The following UBXN8 variants were observed in gnomAD, a reference collection of about 807,000 sequenced individuals.
The protein encoded by UBXN8 is UBX domain-containing protein 8.
Under a neutral mutation model 32.1 loss-of-function variants are expected in UBXN8, and 27 were observed. That is an observed-to-expected ratio of 0.84 (90% CI 0.62 to 1.16). The LOEUF (loss-of-function observed/expected upper bound fraction) is 1.16, where lower values mean the gene tolerates loss of function less well. UBXN8 is among the 50% of genes most tolerant of loss of function. The pLI is 0.00. For missense variants in UBXN8, 306 were observed against 311.4 expected, an observed-to-expected ratio of 0.98 and a Z score of 0.13; for synonymous variants, 109 against 111.8, an observed-to-expected ratio of 0.98 and a Z score of 0.16.
chr8:30,744,210 T>C lies in UBXN8; in HGVS notation c.21T>C (p.Val7=). The C allele has an allele frequency of 6.2e-7, 1 of 1,613,772 alleles. No homozygotes were observed. Among genetic ancestry groups the C allele is most frequent in the East Asian group, 2.2e-5 (1 of 44,880 alleles). MASRGV[V]GIFFLSAVPL... is the part of the protein sequence containing the mutation. ...CCACCATGGCTTCACGTGGGGTTGT[T>C]GGCATTTTCTTCCTCTCTGCTGTCC... is the stretch of plus-strand genomic sequence containing the variant. The change falls in exon 1 of 8, where the codon GTT becomes GTC. Residue 7 remains valine (V), a synonymous_variant. Coordinates refer to ENST00000265616, the MANE Select transcript of UBXN8 (RefSeq NM_005671.4).
intron 6 of UBXN8, among the ~76,000 whole-genome samples, chr8:30,762,723 C>T (rs1805868221): frequency 6.6e-6 from 1 of 152,016 alleles, no homozygotes; most frequent in Non-Finnish European, 1.5e-5. Context: ...CATAGCTTTC[C>T]TGAGAGGGAG....
chr8:30,763,457 A>C, intron 7 of UBXN8, 110 bp downstream of exon 7: 2 of 1,040,794 alleles, frequency 1.9e-6, no homozygotes, highest in Non-Finnish European at 2.9e-6. Context: ...ATCTCCCATC[A>C]GGTATGGATA....
chr8:30,744,558 A>G, intron 1 of UBXN8: 1 of 508,788 alleles, frequency 2.0e-6, no homozygotes, highest in Non-Finnish European at 3.5e-6. Flanking sequence ...AAGGAAATAA[A>G]CAGGTTGATA....
chr8:30,746,958 C>A (rs1269351550), intron 1 of UBXN8, among the ~76,000 whole-genome samples: 2 of 130,534 alleles, frequency 1.5e-5, no homozygotes, highest in Non-Finnish European at 3.1e-5. Context: ...TAATCGAGAC[C>A]ATCCTGGCCA....
upstream of UBXN8, among the ~76,000 whole-genome samples, chr8:30,730,480 CT>C (rs1804924892): frequency 6.6e-6 from 1 of 152,270 alleles, no homozygotes; most frequent in South Asian, 2.1e-4. Context: ...CAAGCAGCAA[CT>C]AAGTGGCTAG....
chr8:30,760,458 T>TTTTTTTA (rs1805805505), intron 5 of UBXN8, among the ~76,000 whole-genome samples: 1 of 143,600 alleles, frequency 7.0e-6, no homozygotes. Context: ...TTTTTTTTTT[T>TTTTTTTA]AAAGTGACAG....
intron 1 of UBXN8, among the ~76,000 whole-genome samples, chr8:30,744,760 C>T (rs925412606): frequency 6.6e-6 from 1 of 152,106 alleles, no homozygotes; most frequent in African/African-American, 2.4e-5. Context: ...AGGGGCCACG[C>T]CCGTGAAAAG....
chr8:30,739,708 T>C (rs199949743), upstream of UBXN8, among the ~76,000 whole-genome samples: 1 of 152,150 alleles, frequency 6.6e-6, no homozygotes, highest in Non-Finnish European at 1.5e-5. Context: ...TGGTAAAGGA[T>C]TTATGCAATC....
intron 2 of UBXN8, among the ~76,000 whole-genome samples, chr8:30,752,178 C>T (rs1586097868): frequency 6.6e-6 from 1 of 152,248 alleles, no homozygotes; most frequent in Non-Finnish European, 1.5e-5. Context: ...GCATGAGACA[C>T]CACACCCGGC....
chr8:30,759,532 G>GC (rs1805768495), intron 5 of UBXN8, among the ~76,000 whole-genome samples: 1 of 151,836 alleles, frequency 6.6e-6, no homozygotes, highest in Non-Finnish European at 1.5e-5. Flanking sequence ...ACCACACCCA[G>GC]CCCAATATCT....
chr8:30,748,147 A>G (rs1342313767), intron 1 of UBXN8, among the ~76,000 whole-genome samples: 2 of 147,926 alleles, frequency 1.4e-5, no homozygotes, highest in African/African-American at 2.5e-5. Context: ...TTTTTTTGAG[A>G]TGGAGTCTCA....
At chr8:30,761,041 T>G (rs1805819225) in intron 6 of UBXN8, 112 bp downstream of exon 6, 2 of 716,054 alleles carry the variant, frequency 2.8e-6, no homozygotes, top group Admixed American at 6.7e-5. Flanking sequence ...ATAGCATAAG[T>G]GTTCATGTGA....
At position 30,766,301 on chromosome 8, in the gene UBXN8, G is replaced by C. The variant is rs533771476; in HGVS notation, c.720G>C (p.Arg240=). 2 of 1,613,838 alleles carry C rather than the reference G, an allele frequency of 1.2e-6. No homozygotes were observed. The highest frequency in any genetic ancestry group is 4.5e-5 in the East Asian group (2 of 44,874). Residue 240 remains arginine (R), a synonymous_variant, in exon 8 of 8, where the codon CGG becomes CGC. Coordinates refer to ENST00000265616, the MANE Select transcript of UBXN8 (RefSeq NM_005671.4). ...LYSLSTSFPR[R]PLAVEGGQSL... ...GCCTTTCTACTTCCTTTCCCAGACG[G>C]CCTCTGGCAGTGGAGGGAGGCCAGT...
upstream of UBXN8, among the ~76,000 whole-genome samples, chr8:30,730,115 A>T (rs1331032913): frequency 5.9e-5 from 9 of 152,216 alleles, no homozygotes; most frequent in Non-Finnish European, 2.9e-5. Flanking sequence ...CGCAAGACAA[A>T]CATATCCCTA....
chr8:30,731,053 C>T (rs1804939597), upstream of UBXN8, among the ~76,000 whole-genome samples: 1 of 152,220 alleles, frequency 6.6e-6, no homozygotes, highest in African/African-American at 2.4e-5. Flanking sequence ...CTCAGCCTGG[C>T]TGTCAGAGCT....
intron 7 of UBXN8, among the ~76,000 whole-genome samples, chr8:30,765,033 G>C (rs775854017): frequency 1.3e-5 from 2 of 152,190 alleles, no homozygotes; most frequent in African/African-American, 4.8e-5. Context: ...CTGGGAGACA[G>C]CAAGACTCCA....
At chr8:30,758,880 TGTTTG>T (rs756375587) in intron 5 of UBXN8, among the ~76,000 whole-genome samples, 43 of 123,158 alleles carry the variant, frequency 3.5e-4, no homozygotes, top group African/African-American at 1.1e-3. Flanking sequence ...ATGTTTTTTT[TGTTTG>T]TTTTTTTTGT....
chr8:30,744,396 A>G, intron 1 of UBXN8, 119 bp downstream of exon 1: 1 of 960,348 alleles, frequency 1.0e-6, no homozygotes, highest in Non-Finnish European at 1.6e-6. Context: ...CAACTCCCAG[A>G]CTGCATCGCC....
At chr8:30,744,775 T>TG (rs1336001432) in intron 1 of UBXN8, among the ~76,000 whole-genome samples, 1 of 150,998 alleles carries the variant, frequency 6.6e-6, no homozygotes, top group African/African-American at 2.4e-5. Context: ...GAAAAGCCAG[T>TG]GGGGGCAGGG....
Sources: allele counts gnomAD v4.1 joint callset (sites outside exome capture counted in the v4.1 genomes callset), GRCh38; gene constraint gnomAD v4.1.1; transcripts MANE v1.5; gene names NCBI Gene and HGNC (gene_info 2026-07-23, HGNC 2026-07-21).